Variants in PDE4D observed in about 807,000 individuals in gnomAD.
PDE4D encodes phosphodiesterase 4D, also known as 3',5'-cyclic-AMP phosphodiesterase 4D.
PDE4D carries 24 observed loss-of-function variants against 87.4 expected under a neutral mutation model. The ratio of observed to expected loss-of-function variants is 0.27; its 90% CI spans 0.20 to 0.39. The LOEUF (loss-of-function observed/expected upper bound fraction) is 0.39, where lower values mean the gene tolerates loss of function less well. Among genes scored for constraint, PDE4D ranks in the 10% least tolerant of loss-of-function variants. The pLI, the probability that PDE4D is intolerant of heterozygous loss-of-function variation, is 1.00. For synonymous variants in PDE4D, 384 were observed against 383.2 expected, an observed-to-expected ratio of 1.00 and a Z score of -0.02; for missense variants, 714 against 1,041.0, an observed-to-expected ratio of 0.69 and a Z score of 4.32.
intron 5 of PDE4D, among the ~76,000 whole-genome samples, chr5:59,119,319 C>T (rs907900081): frequency 2.0e-5 from 3 of 151,992 alleles, no homozygotes; most frequent in African/African-American, 7.3e-5. Context: ...ATTTTAAATA[C>T]CAAGAGAGAA....
chr5:59,395,309 G>C (rs1175075000), intron 1 of PDE4D, among the ~76,000 whole-genome samples: 1 of 152,218 alleles, frequency 6.6e-6, no homozygotes, highest in Admixed American at 6.5e-5. Context: ...AAAGACAGCA[G>C]TAACCTCTGC....
chr5:60,109,056 C>A, intron 2 of PDE4D, among the ~76,000 whole-genome samples: 1 of 151,416 alleles, frequency 6.6e-6, no homozygotes. Context: ...AAGAAACTAC[C>A]ATCAGAGTGA....
chr5:59,090,038 G>T (rs1399485814), intron 5 of PDE4D, among the ~76,000 whole-genome samples: 1 of 152,044 alleles, frequency 6.6e-6, no homozygotes, highest in Non-Finnish European at 1.5e-5. Context: ...TGAAGTCTGG[G>T]TATTTAGGGA....
intron 1 of PDE4D, among the ~76,000 whole-genome samples, chr5:60,318,054 G>A (rs1179795472): frequency 2.0e-5 from 3 of 152,128 alleles, no homozygotes; most frequent in Non-Finnish European, 4.4e-5. Context: ...TTAACTTTCT[G>A]TCTCGTTGAT....
At chr5:59,262,588 G>T (rs1203225233) in intron 1 of PDE4D, among the ~76,000 whole-genome samples, 1 of 151,932 alleles carries the variant, frequency 6.6e-6, no homozygotes, top group East Asian at 1.9e-4. Context: ...AAGGTCGGGG[G>T]TCAATCCCTG....
intron 5 of PDE4D, among the ~76,000 whole-genome samples, chr5:59,131,222 T>C (rs1296713075): frequency 1.3e-5 from 2 of 152,238 alleles, no homozygotes; most frequent in African/African-American, 2.4e-5. Context: ...GCCTTCATGG[T>C]GCTTAAGGCA....
chr5:59,843,045 C>A (rs1164982785), intron 1 of PDE4D, among the ~76,000 whole-genome samples: 1 of 151,836 alleles, frequency 6.6e-6, no homozygotes, highest in African/African-American at 2.4e-5. Context: ...GCTCACATTT[C>A]ACTAATTGTA....
intron 1 of PDE4D, among the ~76,000 whole-genome samples, chr5:60,337,659 G>C (rs996188830): frequency 2.0e-4 from 30 of 151,754 alleles, no homozygotes; most frequent in African/African-American, 7.2e-4. Flanking sequence ...TACACTACTC[G>C]GTATCAGACG....
intron 1 of PDE4D, among the ~76,000 whole-genome samples, chr5:59,248,758 T>TGC (rs1759366403): frequency 2.0e-5 from 3 of 152,176 alleles, no homozygotes; most frequent in African/African-American, 7.2e-5. Flanking sequence ...CATAAAATTT[T>TGC]ATCTGTGACA....
At chr5:60,233,466 T>A (rs556911462) in intron 1 of PDE4D, among the ~76,000 whole-genome samples, 6 of 151,906 alleles carry the variant, frequency 3.9e-5, no homozygotes, top group African/African-American at 9.6e-5. Flanking sequence ...AAAATATTTT[T>A]AAAATTACTT....
rs1186516969 is a variant in PDE4D, at chr5:58,974,728, A to G, written c.2366T>C (p.Val789Ala). The G allele has an allele frequency of 6.2e-7, 1 of 1,612,732 alleles. No homozygotes were observed. Among genetic ancestry groups the G allele is most frequent in the African/African-American group, 1.3e-5 (1 of 74,798 alleles). Residue 789 changes from valine to alanine, a missense_variant, in exon 15 of 15, where the codon GTA becomes GCA. Physicochemically the swap from Val to Ala is moderately conservative, Grantham distance 64 (BLOSUM62 0). Transcript: ENST00000340635. Reference protein sequence around the residue: ...PLDEQVEEEAVGEEEESQPEA... With the variant: ...PLDEQVEEEAAGEEEESQPEA... ...AGGCTGGCTTTCCTCTTCTTCCCCT[A>G]CTGCCTCCTCTTCAACCTGTTCATC...
At chr5:60,331,300 A>C (rs1399708203) in intron 1 of PDE4D, among the ~76,000 whole-genome samples, 16 of 152,174 alleles carry the variant, frequency 1.1e-4, no homozygotes, top group Admixed American at 1.0e-3. Context: ...TGACAGTAGA[A>C]CACTACCCTG....
At chr5:59,841,045 T>A (rs1415507722) in intron 1 of PDE4D, among the ~76,000 whole-genome samples, 1 of 152,090 alleles carries the variant, frequency 6.6e-6, no homozygotes, top group Non-Finnish European at 1.5e-5. Flanking sequence ...TTATTGTCTC[T>A]TACTCATTTT....
intron 1 of PDE4D, among the ~76,000 whole-genome samples, chr5:60,365,993 A>T (rs1159529001): frequency 1.3e-5 from 2 of 151,582 alleles, no homozygotes; most frequent in Non-Finnish European, 2.9e-5. Flanking sequence ...GCAGTGAGCC[A>T]AGATCATGCC....
At chr5:60,152,378 G>T (rs1023231021) in intron 2 of PDE4D, among the ~76,000 whole-genome samples, 7 of 152,110 alleles carry the variant, frequency 4.6e-5, no homozygotes, top group African/African-American at 1.7e-4. Flanking sequence ...AGGGGGCCAG[G>T]TGTGGTGGCT....
chr5:59,327,399 A>G (rs1276678921), intron 1 of PDE4D, among the ~76,000 whole-genome samples: 4 of 152,056 alleles, frequency 2.6e-5, no homozygotes, highest in Non-Finnish European at 5.9e-5. Context: ...ATAATTAGCA[A>G]CAGAGCCCAG....
intron 3 of PDE4D, among the ~76,000 whole-genome samples, chr5:59,926,387 C>A (rs574769340): frequency 6.6e-6 from 1 of 151,838 alleles, no homozygotes; most frequent in East Asian, 1.9e-4. Flanking sequence ...AGTTTATACC[C>A]TATATCAAAA....
At chr5:59,797,055 T>TA (rs1452098652) in intron 1 of PDE4D, 1 of 151,250 alleles carries the variant, frequency 6.6e-6, no homozygotes, top group Non-Finnish European at 1.5e-5. Flanking sequence ...CCTTGTCATA[T>TA]ATACCTGAGC....
intron 1 of PDE4D, among the ~76,000 whole-genome samples, chr5:59,371,341 T>G (rs908311942): frequency 6.6e-6 from 1 of 152,156 alleles, no homozygotes; most frequent in Non-Finnish European, 1.5e-5. Context: ...TTCAGAACAA[T>G]TGATATTTTG....
Sources: allele counts gnomAD v4.1 joint callset (sites outside exome capture counted in the v4.1 genomes callset), GRCh38; gene constraint gnomAD v4.1.1; transcripts MANE v1.5; gene names NCBI Gene and HGNC (gene_info 2026-07-23, HGNC 2026-07-21).